The following GABRB2 variants were observed in gnomAD, a reference collection of about 807,000 sequenced individuals.
GABRB2 encodes the protein gamma-aminobutyric acid type A receptor subunit beta2.
In GABRB2, 16 loss-of-function variants were observed where a neutral mutation model predicts 54.7. The ratio of observed to expected loss-of-function variants is 0.29; its 90% CI spans 0.20 to 0.44. The LOEUF (loss-of-function observed/expected upper bound fraction) is 0.44. Among genes scored for constraint, GABRB2 ranks in the 20% least tolerant of loss-of-function variants. The probability of loss-of-function intolerance (pLI) is 1.00; values close to 1 mark genes in which losing one functional copy is unlikely to be tolerated. For synonymous variants in GABRB2, 244 were observed against 233.8 expected, an observed-to-expected ratio of 1.04 and a Z score of -0.40; for missense variants, 355 against 644.0, an observed-to-expected ratio of 0.55 and a Z score of 4.86.
intron 4 of GABRB2, among the ~76,000 whole-genome samples, chr5:161,419,470 A>G (rs1033838733): frequency 6.6e-6 from 1 of 152,214 alleles, no homozygotes; most frequent in Admixed American, 6.5e-5. Context: ...ATCTAACCAA[A>G]GGAAAATAAA....
intron 9 of GABRB2, among the ~76,000 whole-genome samples, chr5:161,307,757 G>A (rs910780263): frequency 1.3e-5 from 2 of 151,916 alleles, no homozygotes; most frequent in African/African-American, 4.8e-5. Context: ...TTTGTTAGAC[G>A]TGTAACAAAA....
Position 161,290,983 on chromosome 5 carries a change from G to C in GABRB2, c.*3098C>G, listed in dbSNP as rs887736680. 2.0e-5 allele frequency: 3 copies of C among 152,500 alleles called. No homozygotes were observed. Among genetic ancestry groups the C allele is most frequent in the Non-Finnish European group, 4.4e-5 (3 of 67,992 alleles). The allele number at this position is 152,500 out of a possible 1,614,324, so 9.4% of individuals were successfully genotyped here. A position where few individuals can be genotyped will look rare whatever the true frequency, so the allele number is the denominator to read the frequency against. ...AGCACTGCTTTTGAAGAAATGAGAA[G>C]AGAAAAGGTCTAGATGGCACTGCTT... On this transcript the variant is annotated 3_prime_UTR_variant, in exon 10 of 10. Transcript: ENST00000393959.
intron 9 of GABRB2, among the ~76,000 whole-genome samples, chr5:161,326,124 C>T (rs1387007399): frequency 6.6e-6 from 1 of 152,060 alleles, no homozygotes; most frequent in Non-Finnish European, 1.5e-5. Context: ...AATTTCTTTC[C>T]CTAACACAAC....
At chr5:161,468,490 C>T (rs1258967139) in intron 3 of GABRB2, among the ~76,000 whole-genome samples, 1 of 152,092 alleles carries the variant, frequency 6.6e-6, no homozygotes, top group Non-Finnish European at 1.5e-5. Context: ...CAGAGCTCAA[C>T]TCAAAGCTCA....
intron 3 of GABRB2, among the ~76,000 whole-genome samples, chr5:161,516,266 T>C (rs1359465372): frequency 2.0e-5 from 3 of 152,198 alleles, no homozygotes; most frequent in Non-Finnish European, 4.4e-5. Context: ...GGTTGTGTAG[T>C]ACATACCTGA....
rs1232521710 is a variant in GABRB2 at position 161,289,251 on chromosome 5, T to G, written c.*4830A>C. The G allele has an allele frequency of 2.8e-5, 4 of 142,192 alleles. No individual in the cohort carries two copies. The highest frequency in any genetic ancestry group is 2.2e-4 in the South Asian group (1 of 4,542). The allele number at this position is 142,192 out of a possible 1,614,324, so 8.8% of individuals were successfully genotyped here. A position where few individuals can be genotyped will look rare whatever the true frequency, so the allele number is the denominator to read the frequency against. Reference sequence around the variant, plus strand: ...GTGCTGCTTTTTTTTTTTTTTTTTGTACAGATTTCTTTAGGGCAGTATCTT... The same window carrying G: ...GTGCTGCTTTTTTTTTTTTTTTTTGGACAGATTTCTTTAGGGCAGTATCTT... On this transcript the variant is annotated 3_prime_UTR_variant, in exon 10 of 10. Coordinates refer to ENST00000393959, the MANE Select transcript of GABRB2 (RefSeq NM_001371727.1).
At chr5:161,485,413 A>G (rs1329736718) in intron 3 of GABRB2, among the ~76,000 whole-genome samples, 1 of 151,944 alleles carries the variant, frequency 6.6e-6, no homozygotes, top group Admixed American at 6.6e-5. Context: ...GGAACTCACC[A>G]ATATAAGAGA....
chr5:161,434,675 C>T (rs1216482449), intron 4 of GABRB2, among the ~76,000 whole-genome samples: 2 of 152,108 alleles, frequency 1.3e-5, no homozygotes, highest in African/African-American at 4.8e-5. Flanking sequence ...TTTGTCACCC[C>T]CTCCCCATCA....
intron 3 of GABRB2, among the ~76,000 whole-genome samples, chr5:161,503,917 T>G (rs1759524712): frequency 6.6e-6 from 1 of 152,020 alleles, no homozygotes; most frequent in South Asian, 2.1e-4. Flanking sequence ...CATTAAAAAC[T>G]GACAAATTAG....
chr5:161,394,765 T>G (rs371860584), intron 5 of GABRB2, among the ~76,000 whole-genome samples: 4 of 152,000 alleles, frequency 2.6e-5, no homozygotes, highest in Non-Finnish European at 5.9e-5. Flanking sequence ...TGGAAATCTA[T>G]CAAACATTCA....
intron 5 of GABRB2, among the ~76,000 whole-genome samples, chr5:161,338,426 T>C (rs1320331595): frequency 6.6e-6 from 1 of 152,172 alleles, no homozygotes; most frequent in Non-Finnish European, 1.5e-5. Flanking sequence ...CAATATTTTA[T>C]TAGTATGATC....
At chr5:161,525,650 A>C (rs559255849) in intron 3 of GABRB2, among the ~76,000 whole-genome samples, 1 of 151,434 alleles carries the variant, frequency 6.6e-6, no homozygotes, top group Non-Finnish European at 1.5e-5. Context: ...AATAATGCAT[A>C]ATAGCATGGG....
intron 5 of GABRB2, among the ~76,000 whole-genome samples, chr5:161,344,140 C>T (rs1754250717): frequency 6.6e-6 from 1 of 152,026 alleles, no homozygotes; most frequent in Non-Finnish European, 1.5e-5. Context: ...CAAAGAAGAA[C>T]AAAATTTTTT....
intron 3 of GABRB2, among the ~76,000 whole-genome samples, chr5:161,499,084 C>T (rs1759350103): frequency 6.6e-6 from 1 of 152,090 alleles, no homozygotes. Context: ...AGAGCTCGGG[C>T]CTTCACAGCC....
intron 5 of GABRB2, among the ~76,000 whole-genome samples, chr5:161,392,200 A>G (rs1755846064): frequency 6.6e-6 from 1 of 152,132 alleles, no homozygotes; most frequent in Admixed American, 6.5e-5. Context: ...GCTAAAATCT[A>G]ATTCTAAGGG....
At chr5:161,430,116 G>C (rs1053571417) in intron 4 of GABRB2, among the ~76,000 whole-genome samples, 1 of 152,072 alleles carries the variant, frequency 6.6e-6, no homozygotes, top group Non-Finnish European at 1.5e-5. Flanking sequence ...TGGTATAAAA[G>C]CCTCCGAGAA....
intron 5 of GABRB2, among the ~76,000 whole-genome samples, chr5:161,407,963 T>C (rs2113104762): frequency 6.6e-6 from 1 of 152,142 alleles, no homozygotes; most frequent in Non-Finnish European, 1.5e-5. Context: ...GTCGGTGTAG[T>C]CCATATTAAC....
chr5:161,536,997 A>G (rs1260006040), intron 3 of GABRB2, among the ~76,000 whole-genome samples: 1 of 151,984 alleles, frequency 6.6e-6, no homozygotes, highest in Non-Finnish European at 1.5e-5. Context: ...CTCTTGCTAC[A>G]TTTCACCAGT....
intron 5 of GABRB2, among the ~76,000 whole-genome samples, chr5:161,366,378 G>T (rs1450491566): frequency 6.6e-6 from 1 of 152,056 alleles, no homozygotes; most frequent in Non-Finnish European, 1.5e-5. Flanking sequence ...ACAAGTGATT[G>T]TTCTCCACAT....
Sources: gnomAD v4.1 joint callset for allele counts (sites outside exome capture counted in the v4.1 genomes callset) on GRCh38, gnomAD v4.1.1 for gene constraint, MANE v1.5 for transcripts, NCBI Gene and HGNC (gene_info 2026-07-23, HGNC 2026-07-21) for gene names.